Variants in NOD2 observed in about 807,000 individuals in gnomAD.
NOD2 encodes the protein nucleotide binding oligomerization domain containing 2, also known as nucleotide-binding oligomerization domain-containing protein 2.
In NOD2, 86 loss-of-function variants were observed where a neutral mutation model predicts 90.9. The observed-to-expected ratio is 0.95, with a 90% CI of 0.79 to 1.13. The LOEUF (loss-of-function observed/expected upper bound fraction) is 1.13, where lower values mean the gene tolerates loss of function less well. Among genes scored for constraint, NOD2 ranks in the 50% most tolerant of loss-of-function variants. NOD2 has a pLI of 0.00. For synonymous variants in NOD2, 581 were observed against 554.6 expected (o/e 1.05, Z -0.67); for missense variants, 1,238 against 1,283.8 (o/e 0.96, Z 0.55).
chr16:50,727,454 T>A (rs1221533992), intron 10 of NOD2: 3 of 200,658 alleles, frequency 1.5e-5, no homozygotes, highest in Non-Finnish European at 3.1e-5. Context: ...ATAGGAACCA[T>A]TAAAATCAAC....
At chr16:50,722,208 CAGA>C (rs1965090349) in intron 7 of NOD2, among the ~76,000 whole-genome samples, 2 of 152,292 alleles carry the variant, frequency 1.3e-5, no homozygotes, top group South Asian at 4.1e-4. Flanking sequence ...AGCTAGCTTG[CAGA>C]AGAAGTGTTA....
At chr16:50,700,896 T>C (rs766671473) in intron 2 of NOD2, among the ~76,000 whole-genome samples, 15 of 152,218 alleles carry the variant, frequency 9.9e-5, no homozygotes, top group Non-Finnish European at 1.9e-4. Flanking sequence ...AGAGTTGGTA[T>C]ATAACAGCCC....
At chr16:50,694,787 A>G (rs1447135561) in intron 1 of NOD2, among the ~76,000 whole-genome samples, 1 of 152,188 alleles carries the variant, frequency 6.6e-6, no homozygotes, top group South Asian at 2.1e-4. Flanking sequence ...GCAGTAGGAA[A>G]ATCAGACAAA....
In NOD2 at chr16:50,711,551, T is replaced by C. The variant is rs762186831; in HGVS notation, c.1559T>C (p.Leu520Pro). Residue 520 changes from leucine to proline, a missense_variant, in exon 4 of 12, where the codon CTC (leucine) becomes CCC (proline). By Grantham distance (98) the Leu-to-Pro change is moderately conservative. Coordinates refer to ENST00000647318, the MANE Select transcript of NOD2 (RefSeq NM_001370466.1). ...CTTCTTCGGGGCCGCCTCCCCACCCTCCTGCACCTGGGCAGACTGGCTCTG... is the reference window on the plus strand; with the variant it reads ...CTTCTTCGGGGCCGCCTCCCCACCCCCCTGCACCTGGGCAGACTGGCTCTG... The part of the protein sequence containing the change: ...PSLLRGRLPT[L>P]LHLGRLALWG... 9.9e-6 allele frequency: 16 copies of C among 1,612,534 alleles called. No homozygotes were observed. The highest frequency in any genetic ancestry group is 1.7e-5 in the Admixed American group (1 of 60,022).
At chr16:50,700,441 G>A (rs890156315) in intron 2 of NOD2, among the ~76,000 whole-genome samples, 9 of 152,200 alleles carry the variant, frequency 5.9e-5, no homozygotes, top group African/African-American at 1.9e-4. Flanking sequence ...CACTTCTGCC[G>A]AGAGGAAGTG....
At chr16:50,723,453 A>G (rs919930401) in intron 9 of NOD2, 69 bp downstream of exon 9, 5 of 1,397,734 alleles carry the variant, frequency 3.6e-6, no homozygotes, top group Admixed American at 3.4e-5. Flanking sequence ...GGCCTCATCC[A>G]TAGGAGCGGT....
At chr16:50,712,563 G>A in intron 4 of NOD2, 190 bp downstream of exon 4, 1 of 704,250 alleles carries the variant, frequency 1.4e-6, no homozygotes, top group Non-Finnish European at 2.4e-6. Flanking sequence ...ACACTTTATT[G>A]ACTGGCCTAT....
At chr16:50,721,817 A>G (rs1965074309) in intron 7 of NOD2, among the ~76,000 whole-genome samples, 1 of 152,224 alleles carries the variant, frequency 6.6e-6, no homozygotes, top group African/African-American at 2.4e-5. Context: ...AAAGAGCTGC[A>G]GAGTGTTACA....
chr16:50,709,893 G>A (rs1411845068), intron 3 of NOD2: 2 of 450,670 alleles, frequency 4.4e-6, no homozygotes, highest in South Asian at 1.6e-5. Context: ...ATTTTATCTC[G>A]CTGCCTCCTG....
In NOD2 at chr16:50,707,900, G is replaced by C. The variant is rs1002937514; in HGVS notation, c.505G>C (p.Ala169Pro). 1 of 1,613,980 alleles carries C rather than the reference G, an allele frequency of 6.2e-7. No individual in the cohort carries two copies. The highest frequency in any genetic ancestry group is 8.5e-7 in the Non-Finnish European group (1 of 1,179,968). The change falls in exon 3 of 12, where the codon GCT becomes CCT. Residue 169 changes from alanine to proline, a missense_variant. This residue lies in a region of NOD2 where 567 missense variants were observed against 577.3 expected (regional missense o/e 0.98). Coordinates refer to ENST00000647318, the MANE Select transcript of NOD2 (RefSeq NM_001370466.1). The part of the protein sequence containing the change: ...DLATVKANGL[A>P]AFLLQHVQEL... Reference sequence around the variant, plus strand: ...TGCCACGGTGAAAGCGAATGGATTGGCTGCCTTCCTTCTACAACATGTTCA... The same window carrying C: ...TGCCACGGTGAAAGCGAATGGATTGCCTGCCTTCCTTCTACAACATGTTCA...
rs1178341972 is a variant in NOD2, at chr16:50,699,366, TG to T, written c.-8-121del. ...ATGGTGGGGAGCTTGGATTGGGTAA[TG>T]TCTGAGGCTAGAACCATGGCCAACT... On this transcript the variant is annotated intron_variant, in intron 1 of 11. Transcript: ENST00000647318. 46 of 773,892 alleles carry T rather than the reference TG, an allele frequency of 5.9e-5. No individual in the cohort carries two copies. The Middle Eastern group carries it at 1.9e-3, about 31-fold the overall frequency. 47.9% of individuals were successfully genotyped at this position (773,892 alleles called of 1,614,324 possible). A position where few individuals can be genotyped will look rare whatever the true frequency, so the allele number is the denominator to read the frequency against.
intron 3 of NOD2, chr16:50,709,895 T>G (rs747833999): frequency 2.2e-6 from 1 of 452,162 alleles, no homozygotes; most frequent in South Asian, 1.6e-5. Flanking sequence ...TTTATCTCGC[T>G]GCCTCCTGAA....
intron 3 of NOD2, chr16:50,710,162 C>T: frequency 2.6e-6 from 1 of 383,534 alleles, no homozygotes; most frequent in Non-Finnish European, 5.1e-6. Context: ...TACAGGTCTT[C>T]CGATCCCAGC....
rs748200640 is a variant in NOD2, at chr16:50,699,670, A to G, written c.175A>G (p.Arg59Gly). The change falls in exon 2 of 12, where the codon AGG (arginine) becomes GGG (glycine). Residue 59 changes from arginine (R) to glycine (G), a missense_variant. Arg to Gly is a moderately radical substitution (Grantham distance 125, BLOSUM62 -2). Coordinates refer to ENST00000647318, the MANE Select transcript of NOD2 (RefSeq NM_001370466.1). ...GGGCCAGCCTCTCTCCCACTTGGCC[A>G]GGCGCCTTCTGGACACCGTCTGGAA... ...LLGQPLSHLA[R>G]RLLDTVWNKG... 4 of 1,614,152 alleles carry G rather than the reference A, an allele frequency of 2.5e-6. No homozygotes were observed. In the East Asian group the frequency reaches 6.7e-5, roughly 27 times the overall value.
chr16:50,709,461 C>T (rs1328117618), intron 3 of NOD2, among the ~76,000 whole-genome samples: 1 of 152,204 alleles, frequency 6.6e-6, no homozygotes, highest in Non-Finnish European at 1.5e-5. Context: ...GGGAACTAAA[C>T]TCTGACACAG....
chr16:50,705,137 C>T (rs1461152119), intron 2 of NOD2, among the ~76,000 whole-genome samples: 1 of 152,196 alleles, frequency 6.6e-6, no homozygotes, highest in Non-Finnish European at 1.5e-5. Flanking sequence ...ATAGTCACAG[C>T]TCTATCTTTA....
intron 7 of NOD2, among the ~76,000 whole-genome samples, chr16:50,721,427 G>A (rs112423156): frequency 1.4e-5 from 2 of 147,048 alleles, no homozygotes; most frequent in Middle Eastern, 3.5e-3. Context: ...TTTTTGCTTC[G>A]CCATATATTA....
At chr16:50,714,310 T>C (rs1212774862) in intron 4 of NOD2, among the ~76,000 whole-genome samples, 1 of 152,160 alleles carries the variant, frequency 6.6e-6, no homozygotes, top group Non-Finnish European at 1.5e-5. Context: ...GTGCTCAGAC[T>C]GTGGTGTGTA....
rs761050972 is a variant in NOD2 at position 50,720,980 on chromosome 16, T to G, written c.2633+972T>G. Among the ~76,000 whole-genome samples, 25 of 152,100 alleles carry G rather than the reference T, an allele frequency of 1.6e-4. 1 individual carries two copies. The highest frequency in any genetic ancestry group is 2.9e-4 in the Non-Finnish European group (20 of 68,026). ...CCACCACGCCCAGCTAATTTTTGTA[T>G]TTTTAGTAGAGACAGGGTTTCACCA... On this transcript the variant is annotated intron_variant, in intron 7 of 11. Transcript: ENST00000647318.
Sources: gnomAD v4.1 joint callset for allele counts (sites outside exome capture counted in the v4.1 genomes callset) on GRCh38, gnomAD v4.1.1 for gene constraint, gnomAD v4.1.1 regional missense constraint, MANE v1.5 for transcripts, NCBI Gene and HGNC (gene_info 2026-07-23, HGNC 2026-07-21) for gene names.